The following STX12 variants were observed in gnomAD, a reference collection of about 807,000 sequenced individuals.
STX12 encodes the protein syntaxin 12.
STX12 carries 17 observed loss-of-function variants against 42.2 expected under a neutral mutation model. The ratio of observed to expected loss-of-function variants is 0.40; its 90% CI spans 0.28 to 0.60. The LOEUF is 0.60. Ranked by LOEUF, STX12 falls within the 20% of genes least tolerant of loss-of-function variation. STX12 has a pLI of 0.39. For missense variants in STX12, 297 were observed against 330.9 expected (o/e 0.90, Z 0.79); for synonymous variants, 108 against 116.7 (o/e 0.93, Z 0.48).
At chr1:27,819,347 C>T (rs2088967661) in intron 7 of STX12, among the ~76,000 whole-genome samples, 1 of 151,166 alleles carries the variant, frequency 6.6e-6, no homozygotes, top group Non-Finnish European at 1.5e-5. Flanking sequence ...CCCAGATTTA[C>T]CTCTTGTTAA....
intron 6 of STX12, among the ~76,000 whole-genome samples, chr1:27,817,490 G>C (rs1158896620): frequency 1.3e-5 from 2 of 152,182 alleles, no homozygotes; most frequent in East Asian, 3.8e-4. Context: ...CCCAGTGGTT[G>C]TCATCGGGAG....
intron 1 of STX12, among the ~76,000 whole-genome samples, chr1:27,777,217 T>A (rs2088633513): frequency 6.6e-6 from 1 of 152,130 alleles, no homozygotes; most frequent in Non-Finnish European, 1.5e-5. Flanking sequence ...GGGTGCATTA[T>A]TTTAGTTGAT....
intron 1 of STX12, among the ~76,000 whole-genome samples, chr1:27,780,520 T>C (rs1571515959): frequency 1.3e-5 from 2 of 152,134 alleles, no homozygotes; most frequent in East Asian, 3.8e-4. Flanking sequence ...AAAGACAAAG[T>C]GAAGTCAGAA....
Position 27,822,548 on chromosome 1 carries a change from T to A in STX12, c.*219T>A. On this transcript the variant is annotated 3_prime_UTR_variant, in exon 9 of 9. Transcript: ENST00000373943. Reference sequence around the variant, plus strand: ...TGATTTCTCAAATTAGGAATTAACTTATGTGGATTTTGCTTCCTCTTGTAT... The same window carrying A: ...TGATTTCTCAAATTAGGAATTAACTAATGTGGATTTTGCTTCCTCTTGTAT... 4.6e-6 allele frequency: 2 copies of A among 433,426 alleles called. No individual in the cohort carries two copies. The highest frequency in any genetic ancestry group is 7.2e-5 in the East Asian group (2 of 27,704). 26.8% of individuals were successfully genotyped at this position (433,426 alleles called of 1,614,324 possible).
At chr1:27,780,233 G>A (rs1402184504) in intron 1 of STX12, among the ~76,000 whole-genome samples, 2 of 133,738 alleles carry the variant, frequency 1.5e-5, no homozygotes, top group Non-Finnish European at 3.1e-5. Flanking sequence ...TTTTTGAGAC[G>A]GAGTCTTGCT....
chr1:27,805,406 T>C (rs188079171), intron 4 of STX12, among the ~76,000 whole-genome samples: 1 of 152,240 alleles, frequency 6.6e-6, no homozygotes, highest in East Asian at 1.9e-4. Flanking sequence ...AGAAAAAAAA[T>C]TAGTGGGCAG....
intron 1 of STX12, among the ~76,000 whole-genome samples, chr1:27,784,713 G>C (rs900856794): frequency 6.6e-6 from 1 of 152,138 alleles, no homozygotes; most frequent in African/African-American, 2.4e-5. Context: ...AAAAAGTCCT[G>C]CTTCTCTGGG....
chr1:27,810,271 A>C lies in STX12; in HGVS notation c.452A>C (p.Gln151Pro), dbSNP rs745482883. ...LSAEERQREE[Q>P]LVSFDSHEEW... ...GCAGAAGAGAGGCAAAGAGAGGAGCAGCTGGTCTCATTTGACAGGTAATAG... is the reference window on the plus strand; with the variant it reads ...GCAGAAGAGAGGCAAAGAGAGGAGCCGCTGGTCTCATTTGACAGGTAATAG... The change falls in exon 5 of 9, where the codon CAG (glutamine) becomes CCG (proline). Residue 151 changes from glutamine to proline, a missense_variant. Gln to Pro is a moderately conservative substitution (Grantham distance 76). Transcript: ENST00000373943. 1.2e-5 allele frequency: 20 copies of C among 1,613,638 alleles called. No homozygotes were observed. The highest frequency in any genetic ancestry group is 1.6e-4 in the Middle Eastern group (1 of 6,080).
chr1:27,809,342 A>G (rs576064269), intron 4 of STX12, among the ~76,000 whole-genome samples: 20 of 152,062 alleles, frequency 1.3e-4, no homozygotes, highest in South Asian at 8.3e-4. Context: ...TCAAAAAAAA[A>G]AAAAGAAAAG....
intron 5 of STX12, 149 bp downstream of exon 5, chr1:27,810,438 A>C: frequency 1.4e-6 from 1 of 702,372 alleles, no homozygotes; most frequent in East Asian, 2.8e-5. Context: ...AAAATTAAAA[A>C]GGCAAAACCA....
At chr1:27,803,546 T>C (rs2088840041) in intron 4 of STX12, among the ~76,000 whole-genome samples, 1 of 152,148 alleles carries the variant, frequency 6.6e-6, no homozygotes, top group Non-Finnish European at 1.5e-5. Flanking sequence ...TGAAGGAAAT[T>C]CTAAATAATG....
At chr1:27,785,766 G>T (rs553607348) in intron 1 of STX12, among the ~76,000 whole-genome samples, 1 of 152,264 alleles carries the variant, frequency 6.6e-6, no homozygotes, top group East Asian at 1.9e-4. Flanking sequence ...ATGGAAAAGG[G>T]AGGCTAACTC....
At chr1:27,803,981 A>G (rs138103280) in intron 4 of STX12, among the ~76,000 whole-genome samples, 1 of 152,140 alleles carries the variant, frequency 6.6e-6, no homozygotes, top group Non-Finnish European at 1.5e-5. Flanking sequence ...AGCCTGGGCG[A>G]CACAACAAGA....
At chr1:27,810,035 T>C in intron 4 of STX12, 1 of 479,078 alleles carries the variant, frequency 2.1e-6, no homozygotes. Context: ...GTATGGTTTC[T>C]GTTCAGGACT....
Position 27,790,232 on chromosome 1 carries a change from G to A in STX12, c.188+601G>A, listed in dbSNP as rs149533691. ...TCTTGCTGACTTCAACAATGAAGCC[G>A]TGGACCTTCGTGGTGAGTGTTACAG... On this transcript the variant is annotated intron_variant, in intron 2 of 8. Coordinates refer to ENST00000373943, the MANE Select transcript of STX12 (RefSeq NM_177424.3). Among the ~76,000 whole-genome samples the A allele has an allele frequency of 9.2e-4, 140 of 152,288 alleles. 1 individual carries two copies. In the East Asian group the frequency reaches 0.025, roughly 27 times the overall value.
chr1:27,810,027 A>G (rs1343873947), intron 4 of STX12: 1 of 461,314 alleles, frequency 2.2e-6, no homozygotes, highest in Non-Finnish European at 3.9e-6. Context: ...CCTGTTCAGT[A>G]TGGTTTCTGT....
chr1:27,781,489 T>C (rs561668761), intron 1 of STX12, among the ~76,000 whole-genome samples: 1 of 152,302 alleles, frequency 6.6e-6, no homozygotes, highest in East Asian at 1.9e-4. Context: ...CTTTACCTAT[T>C]TCTCAGTTTC....
chr1:27,795,534 G>C lies in STX12; in HGVS notation c.288+1902G>C, dbSNP rs566386456. Among the ~76,000 whole-genome samples the C allele has an allele frequency of 3.9e-5, 6 of 152,172 alleles. No homozygotes were observed. In the East Asian group the frequency reaches 7.7e-4, roughly 20 times the overall value. On this transcript the variant is annotated intron_variant, in intron 3 of 8. Coordinates refer to ENST00000373943, the MANE Select transcript of STX12 (RefSeq NM_177424.3). ...TTGGCCAGGCTGGTTTCAAACTCCT[G>C]ACCTCAGGTGATCTGCCCAGCTAGA...
intron 1 of STX12, among the ~76,000 whole-genome samples, chr1:27,773,659 C>A (rs568764589): frequency 3.5e-4 from 54 of 152,218 alleles, no homozygotes; most frequent in Non-Finnish European, 6.9e-4. Context: ...TCTGCCCCCA[C>A]GGTGCTGGGA....
Sources: allele counts gnomAD v4.1 joint callset (sites outside exome capture counted in the v4.1 genomes callset), GRCh38; gene constraint gnomAD v4.1.1; transcripts MANE v1.5; gene names NCBI Gene and HGNC (gene_info 2026-07-23, HGNC 2026-07-21).